Variants in WDR1 observed in about 807,000 individuals in gnomAD.
The protein encoded by WDR1 is WD repeat domain 1.
In WDR1, 21 loss-of-function variants were observed where a neutral mutation model predicts 71.9. The observed-to-expected ratio is 0.29, with a 90% CI of 0.21 to 0.42. WDR1 has a LOEUF of 0.42. WDR1 is among the 10% of genes least tolerant of loss of function. The pLI is 1.00. For missense variants in WDR1, 696 were observed against 824.5 expected (o/e 0.84, Z 1.91); for synonymous variants, 424 against 347.4 (o/e 1.22, Z -2.45).
Position 10,075,456 on chromosome 4 carries a change from G to A in WDR1, c.1743C>T (p.Ser581=). The change falls in exon 15 of 15, where the codon AGC becomes AGT. Residue 581 remains serine, a synonymous_variant. Coordinates refer to ENST00000499869, the MANE Select transcript of WDR1 (RefSeq NM_017491.5). ...GCGTGTGCTCGTCCAGCCAGGCCAGGCTGCTGACATGGTGCAGCCGGTGTG... is the reference window on the plus strand; with the variant it reads ...GCGTGTGCTCGTCCAGCCAGGCCAGACTGCTGACATGGTGCAGCCGGTGTG... The part of the protein sequence containing the change: ...QDAHRLHHVS[S]LAWLDEHTLV... The A allele has an allele frequency of 3.1e-6, 5 of 1,614,032 alleles. No individual in the cohort carries two copies. The highest frequency in any genetic ancestry group is 3.4e-6 in the Non-Finnish European group (4 of 1,179,908).
At chr4:10,084,351 AC>A in intron 9 of WDR1, 91 bp downstream of exon 9, 1 of 1,215,720 alleles carries the variant, frequency 8.2e-7, no homozygotes, top group Non-Finnish European at 1.2e-6. Context: ...AGCTGGAGCC[AC>A]CTGGCTGGCC....
chr4:10,095,680 C>T (rs1266542201), intron 5 of WDR1, among the ~76,000 whole-genome samples: 2 of 152,180 alleles, frequency 1.3e-5, no homozygotes, highest in Non-Finnish European at 2.9e-5. Context: ...CCTTCCTATG[C>T]GTGGGCAGTT....
intron 2 of WDR1, among the ~76,000 whole-genome samples, chr4:10,104,383 T>C (rs114251958): frequency 1.6e-3 from 244 of 152,300 alleles, no homozygotes; most frequent in African/African-American, 5.7e-3. Flanking sequence ...TCTGTTCTCT[T>C]CCGTGTTTAG....
At chr4:10,113,440 C>A (rs1329509416) in intron 2 of WDR1, among the ~76,000 whole-genome samples, 1 of 152,190 alleles carries the variant, frequency 6.6e-6, no homozygotes, top group African/African-American at 2.4e-5. Flanking sequence ...AAGGCAATAA[C>A]TAGCAGGTAC....
chr4:10,079,098 C>T (rs1764913262), intron 11 of WDR1, 97 bp from the exon 12 acceptor site: 1 of 995,778 alleles, frequency 1.0e-6, no homozygotes, highest in African/African-American at 1.6e-5. Context: ...CTCACTGGAG[C>T]TGGGTTTGGC....
chr4:10,075,031 A>C lies in WDR1; in HGVS notation c.*347T>G. The C allele has an allele frequency of 2.6e-6, 1 of 377,792 alleles. No individual in the cohort carries two copies. The highest frequency in any genetic ancestry group is 4.4e-5 in the East Asian group (1 of 22,772). The allele number at this position is 377,792 out of a possible 1,614,324, so 23.4% of individuals were successfully genotyped here. Reference sequence around the variant, plus strand: ...ATTCACCTGTACAACCTCCCCTGACAGATAGTGAGAGCCGCGGCGGGGCCA... The same window carrying C: ...ATTCACCTGTACAACCTCCCCTGACCGATAGTGAGAGCCGCGGCGGGGCCA... On this transcript the variant is annotated 3_prime_UTR_variant, in exon 15 of 15. Transcript: ENST00000499869.
chr4:10,088,538 G>C, intron 6 of WDR1, 126 bp downstream of exon 6: 1 of 1,117,088 alleles, frequency 9.0e-7, no homozygotes, highest in Non-Finnish European at 1.3e-6. Flanking sequence ...CGAGTCTGCA[G>C]ATGTGGGGAG....
At chr4:10,098,761 G>A (rs984125752) in intron 4 of WDR1, among the ~76,000 whole-genome samples, 5 of 152,352 alleles carry the variant, frequency 3.3e-5, no homozygotes, top group Non-Finnish European at 4.4e-5. Flanking sequence ...CACTCAGGAC[G>A]TCAGAGGAGA....
chr4:10,116,637 G>A lies in WDR1; in HGVS notation c.16+14C>T, dbSNP rs2108813369. On this transcript the variant is annotated intron_variant, in intron 1 of 14. Coordinates refer to ENST00000499869, the MANE Select transcript of WDR1 (RefSeq NM_017491.5). The stretch of plus-strand genomic sequence containing the variant: ...CGCGGCGGCCGCTCGGGGGCCCCGC[G>A]CCGCGGCACTTACTGATCTCGTACG... 1 of 1,253,338 alleles carries A rather than the reference G, an allele frequency of 8.0e-7. No individual in the cohort carries two copies. Among genetic ancestry groups the A allele is most frequent in the Non-Finnish European group, 1.0e-6 (1 of 995,886 alleles). The allele number at this position is 1,253,338 out of a possible 1,614,324, so 77.6% of individuals were successfully genotyped here.
At chr4:10,093,915 T>A (rs3822239) in intron 5 of WDR1, among the ~76,000 whole-genome samples, 95,042 of 152,164 alleles carry the variant, frequency 0.62, 30,870 homozygotes, top group Middle Eastern at 0.76. Context: ...TTGCCTGTTT[T>A]GAGCTCAAAT....
chr4:10,075,607 A>T (rs899949273), intron 14 of WDR1, 123 bp from the exon 15 acceptor site: 2 of 881,400 alleles, frequency 2.3e-6, no homozygotes, highest in Admixed American at 4.2e-5. Context: ...ATGGCCACGA[A>T]TCGTTGTAAC....
intron 2 of WDR1, chr4:10,108,369 T>A (rs984214126): frequency 2.0e-5 from 3 of 152,218 alleles, no homozygotes; most frequent in African/African-American, 7.2e-5. Flanking sequence ...GTGAACCTGA[T>A]GGAACATGCT....
At chr4:10,093,616 G>C (rs907077795) in intron 5 of WDR1, among the ~76,000 whole-genome samples, 10 of 152,250 alleles carry the variant, frequency 6.6e-5, no homozygotes, top group Non-Finnish European at 1.2e-4. Context: ...AGGGACAAGA[G>C]GCTCATCCTA....
intron 11 of WDR1, among the ~76,000 whole-genome samples, chr4:10,079,694 C>A (rs1578415761): frequency 6.6e-6 from 1 of 152,326 alleles, no homozygotes; most frequent in African/African-American, 2.4e-5. Context: ...TGCCCCTACC[C>A]AAGCCACCAG....
Position 10,075,070 on chromosome 4 carries a change from C to A in WDR1, c.*308G>T. On this transcript the variant is annotated 3_prime_UTR_variant, in exon 15 of 15. Transcript: ENST00000499869. ...GCGGCGGGGCCAGGGGCTCTGTGTG[C>A]TTTGGAGGCTACTGCCTCTGGAATG... 1 of 454,504 alleles carries A rather than the reference C, an allele frequency of 2.2e-6. No individual in the cohort carries two copies. Among genetic ancestry groups the A allele is most frequent in the Non-Finnish European group, 3.9e-6 (1 of 256,666 alleles). The allele number at this position is 454,504 out of a possible 1,614,324, so 28.2% of individuals were successfully genotyped here. A position where few individuals can be genotyped will look rare whatever the true frequency, so the allele number is the denominator to read the frequency against.
At chr4:10,089,353 G>A (rs1431886334) in intron 5 of WDR1, among the ~76,000 whole-genome samples, 2 of 152,150 alleles carry the variant, frequency 1.3e-5, no homozygotes, top group African/African-American at 2.4e-5. Context: ...ATGTTTCCCC[G>A]CTTTGGCCTC....
At position 10,088,332 on chromosome 4, in the gene WDR1, C is replaced by A. The variant is rs781089834; in HGVS notation, c.678G>T (p.Ala226=). The change falls in exon 7 of 15, where the codon GCG becomes GCT. Residue 226 remains alanine (A), a synonymous_variant. Transcript: ENST00000499869. The stretch of plus-strand genomic sequence containing the variant: ...CGTCGTGGGCCTTGCTTCCGCCCAG[C>A]GCGCACACCTTCTCCCCAGTCTTCC... ...YDGKTGEKVC[A]LGGSKAHDGG... is the part of the protein sequence containing the mutation. 7 of 1,559,200 alleles carry A rather than the reference C, an allele frequency of 4.5e-6. No homozygotes were observed. Among genetic ancestry groups the A allele is most frequent in the Non-Finnish European group, 6.1e-6 (7 of 1,151,172 alleles).
At chr4:10,078,435 A>G in intron 12 of WDR1, among the ~76,000 whole-genome samples, 1 of 152,210 alleles carries the variant, frequency 6.6e-6, no homozygotes, top group East Asian at 1.9e-4. Flanking sequence ...GGGAAACTGT[A>G]AAATGTCTGG....
chr4:10,093,458 C>T (rs558411318), intron 5 of WDR1, among the ~76,000 whole-genome samples: 5 of 152,258 alleles, frequency 3.3e-5, no homozygotes, highest in Non-Finnish European at 1.5e-5. Context: ...AGCAAACTTC[C>T]CTGCAAAGTG....
Sources: gnomAD v4.1 joint callset for allele counts (sites outside exome capture counted in the v4.1 genomes callset) on GRCh38, gnomAD v4.1.1 for gene constraint, MANE v1.5 for transcripts, NCBI Gene and HGNC (gene_info 2026-07-23, HGNC 2026-07-21) for gene names.